UBE2K: variants seen among roughly 807,000 people sequenced by gnomAD.
UBE2K encodes the protein ubiquitin-conjugating enzyme E2 K.
Under a neutral mutation model 30.0 loss-of-function variants are expected in UBE2K, and 6 were observed. That is an observed-to-expected ratio of 0.20 (90% confidence interval 0.11 to 0.39). The LOEUF (loss-of-function observed/expected upper bound fraction) is 0.39, where lower values mean the gene tolerates loss of function less well. Ranked by LOEUF, UBE2K falls within the 10% of genes least tolerant of loss-of-function variation. UBE2K has a pLI of 1.00. For missense variants in UBE2K, 61 were observed against 241.6 expected (o/e 0.25, Z 4.96); for synonymous variants, 86 against 83.7 (o/e 1.03, Z -0.15).
intron 4 of UBE2K, among the ~76,000 whole-genome samples, chr4:39,765,562 A>G (rs759758806): frequency 2.0e-5 from 3 of 149,530 alleles, no homozygotes; most frequent in Non-Finnish European, 4.5e-5. Flanking sequence ...GCTCACGCGT[A>G]TAATCCCAGC....
intron 1 of UBE2K, among the ~76,000 whole-genome samples, chr4:39,734,225 C>T (rs1042705532): frequency 6.6e-6 from 1 of 151,296 alleles, no homozygotes; most frequent in Non-Finnish European, 1.5e-5. Flanking sequence ...CGTGCCTCAA[C>T]CTCCCAAGTA....
intron 2 of UBE2K, among the ~76,000 whole-genome samples, chr4:39,740,378 A>T (rs1720628361): frequency 6.6e-6 from 1 of 152,100 alleles, no homozygotes; most frequent in Non-Finnish European, 1.5e-5. Flanking sequence ...ATTAAGATAT[A>T]TTAAGATACA....
intron 1 of UBE2K, among the ~76,000 whole-genome samples, chr4:39,723,043 T>C (rs2109329836): frequency 1.3e-5 from 2 of 151,356 alleles, no homozygotes; most frequent in East Asian, 3.9e-4. Context: ...ACCTCTCTTT[T>C]TTCTTTAATT....
At chr4:39,705,764 T>C (rs1272213735) in intron 1 of UBE2K, among the ~76,000 whole-genome samples, 2 of 151,998 alleles carry the variant, frequency 1.3e-5, no homozygotes, top group Admixed American at 6.5e-5. Context: ...CTCAGCTCAC[T>C]GCAACCTCCG....
chr4:39,732,666 T>C (rs969795604), intron 1 of UBE2K, among the ~76,000 whole-genome samples: 9 of 143,480 alleles, frequency 6.3e-5, no homozygotes, highest in Non-Finnish European at 1.3e-4. Flanking sequence ...CTATAGCTTC[T>C]TCCCTCTTTT....
chr4:39,726,295 C>T (rs1719747666), intron 1 of UBE2K, among the ~76,000 whole-genome samples: 1 of 152,086 alleles, frequency 6.6e-6, no homozygotes, highest in Non-Finnish European at 1.5e-5. Flanking sequence ...CGTGCCTGGC[C>T]TGTTTTTACT....
intron 1 of UBE2K, among the ~76,000 whole-genome samples, chr4:39,727,738 G>A: frequency 6.6e-6 from 1 of 152,186 alleles, no homozygotes; most frequent in East Asian, 1.9e-4. Flanking sequence ...TAAAAGTTGA[G>A]TAAGTGTATA....
Position 39,698,410 on chromosome 4 carries a change from A to C in UBE2K, c.63+20A>C. 6.2e-7 allele frequency: 1 copy of C among 1,604,294 alleles called. No homozygotes were observed. Among genetic ancestry groups the C allele is most frequent in the Non-Finnish European group, 8.5e-7 (1 of 1,175,616 alleles). On this transcript the variant is annotated intron_variant, in intron 1 of 6. Coordinates refer to ENST00000261427, the MANE Select transcript of UBE2K (RefSeq NM_005339.5). Reference sequence around the variant, plus strand: ...GAGGAGGTCAGAAATGAACTCCCGGATATCCCCCACCTCTGCCTGGGGCGG... The same window carrying C: ...GAGGAGGTCAGAAATGAACTCCCGGCTATCCCCCACCTCTGCCTGGGGCGG...
chr4:39,748,119 A>G (rs1721074203), intron 3 of UBE2K, among the ~76,000 whole-genome samples: 1 of 152,248 alleles, frequency 6.6e-6, no homozygotes, highest in Non-Finnish European at 1.5e-5. Context: ...TTTATAGTGT[A>G]TAATAGCTTC....
chr4:39,759,458 A>T (rs937200978), intron 4 of UBE2K, among the ~76,000 whole-genome samples: 2 of 151,904 alleles, frequency 1.3e-5, no homozygotes, highest in African/African-American at 4.8e-5. Flanking sequence ...ATTTTTTTCT[A>T]TTTTTAGTAG....
intron 1 of UBE2K, among the ~76,000 whole-genome samples, chr4:39,712,530 A>G (rs1288214440): frequency 6.6e-6 from 1 of 151,578 alleles, no homozygotes; most frequent in Non-Finnish European, 1.5e-5. Context: ...CCTGTGTTCA[A>G]GCAATTCTCC....
At chr4:39,711,329 A>AT (rs1718664056) in intron 1 of UBE2K, among the ~76,000 whole-genome samples, 1 of 150,964 alleles carries the variant, frequency 6.6e-6, no homozygotes, top group South Asian at 2.1e-4. Context: ...AGCCCAGCTA[A>AT]TTTTTTGTAT....
At chr4:39,707,415 G>T (rs1025860839) in intron 1 of UBE2K, among the ~76,000 whole-genome samples, 4 of 151,822 alleles carry the variant, frequency 2.6e-5, no homozygotes, top group Non-Finnish European at 5.9e-5. Flanking sequence ...AGCCAGGCTG[G>T]TCTCGAACTT....
At chr4:39,715,525 G>A (rs1719013309) in intron 1 of UBE2K, among the ~76,000 whole-genome samples, 1 of 150,660 alleles carries the variant, frequency 6.6e-6, no homozygotes, top group Non-Finnish European at 1.5e-5. Flanking sequence ...GGCCAGGCTG[G>A]TCTCCAACTC....
chr4:39,758,404 G>A (rs556749868), intron 4 of UBE2K, among the ~76,000 whole-genome samples: 4 of 152,192 alleles, frequency 2.6e-5, no homozygotes, highest in Admixed American at 6.5e-5. Context: ...GCCGCCACGT[G>A]CAGTGGCTCA....
chr4:39,734,328 G>A (rs1387061594), intron 1 of UBE2K, among the ~76,000 whole-genome samples: 1 of 151,936 alleles, frequency 6.6e-6, no homozygotes, highest in Non-Finnish European at 1.5e-5. Flanking sequence ...ATCTGCCTTG[G>A]CCTCCCAAAC....
chr4:39,774,315 G>A (rs201337757), intron 4 of UBE2K, among the ~76,000 whole-genome samples: 4 of 150,208 alleles, frequency 2.7e-5, no homozygotes, highest in African/African-American at 9.8e-5. Flanking sequence ...TTAAAAAAAA[G>A]AAAAAAGGCC....
intron 4 of UBE2K, among the ~76,000 whole-genome samples, chr4:39,769,200 G>A (rs1712562679): frequency 7.2e-6 from 1 of 138,942 alleles, no homozygotes; most frequent in South Asian, 2.4e-4. Context: ...AAACAACCCT[G>A]GAGTTTCTTT....
At chr4:39,717,096 G>A (rs541433575) in intron 1 of UBE2K, among the ~76,000 whole-genome samples, 62 of 151,884 alleles carry the variant, frequency 4.1e-4, no homozygotes, top group Non-Finnish European at 4.6e-4. Context: ...AAGCCTGGGA[G>A]ATCGAGGCTG....
Sources: gnomAD v4.1 joint callset for allele counts (sites outside exome capture counted in the v4.1 genomes callset) on GRCh38, gnomAD v4.1.1 for gene constraint, MANE v1.5 for transcripts, NCBI Gene and HGNC (gene_info 2026-07-23, HGNC 2026-07-21) for gene names.